COL24A1: variants seen among roughly 807,000 people sequenced by gnomAD.
COL24A1 encodes collagen type XXIV alpha 1 chain, also known as collagen alpha-1(XXIV) chain.
COL24A1 carries 224 observed loss-of-function variants against 253.9 expected under a neutral mutation model. That is an observed-to-expected ratio of 0.88 (90% CI 0.79 to 0.99). The LOEUF (loss-of-function observed/expected upper bound fraction) is 0.99. Among genes scored for constraint, COL24A1 ranks in the 50% least tolerant of loss-of-function variants. The pLI is 0.00. For synonymous variants in COL24A1, 685 were observed against 673.7 expected (o/e 1.02, Z -0.26); for missense variants, 2,131 against 2,068.5 (o/e 1.03, Z -0.59).
chr1:85,756,057 C>CAAAAAAAAAAAAA, intron 55 of COL24A1, among the ~76,000 whole-genome samples: 1 of 95,826 alleles, frequency 1.0e-5, no homozygotes, highest in Non-Finnish European at 2.0e-5. Flanking sequence ...TACTAACAAC[C>CAAAAAAAAAAAAA]AAAAAAAAAA....
chr1:86,008,274 T>C (rs921641193), intron 19 of COL24A1, among the ~76,000 whole-genome samples: 16 of 152,146 alleles, frequency 1.1e-4, no homozygotes, highest in Non-Finnish European at 7.4e-5. Context: ...TTTCAGGGTC[T>C]TGCTCTGTGG....
chr1:85,809,205 A>G (rs1019773917), intron 47 of COL24A1, among the ~76,000 whole-genome samples: 1 of 152,182 alleles, frequency 6.6e-6, no homozygotes, highest in African/African-American at 2.4e-5. Flanking sequence ...TCTTGGCCAC[A>G]TGACTCCTGA....
intron 32 of COL24A1, among the ~76,000 whole-genome samples, chr1:85,885,366 A>G (rs1682354208): frequency 7.3e-6 from 1 of 136,516 alleles, no homozygotes; most frequent in Non-Finnish European, 1.6e-5. Flanking sequence ...ATGGCTGGCT[A>G]ATTTTTGTGT....
chr1:86,022,130 G>T, intron 18 of COL24A1, 110 bp downstream of exon 18: 1 of 942,834 alleles, frequency 1.1e-6, no homozygotes, highest in Admixed American at 1.9e-5. Context: ...TAAAACTAAG[G>T]AGACAAATGC....
intron 37 of COL24A1, among the ~76,000 whole-genome samples, chr1:85,850,552 C>G (rs1433720920): frequency 6.6e-6 from 1 of 152,094 alleles, no homozygotes; most frequent in Non-Finnish European, 1.5e-5. Flanking sequence ...GGTAGTTGCA[C>G]TAACCTGAGG....
chr1:85,833,379 T>C (rs1675583467), intron 43 of COL24A1, among the ~76,000 whole-genome samples: 1 of 152,210 alleles, frequency 6.6e-6, no homozygotes, highest in African/African-American at 2.4e-5. Context: ...TCATCATCAC[T>C]GGCCATCAGA....
chr1:85,888,876 T>C (rs1348502439), intron 32 of COL24A1, among the ~76,000 whole-genome samples: 1 of 152,138 alleles, frequency 6.6e-6, no homozygotes, highest in African/African-American at 2.4e-5. Context: ...ATAAAATCAA[T>C]GCAGTTGTTT....
intron 4 of COL24A1, 69 bp from the exon 5 acceptor site, chr1:86,112,689 T>C: frequency 7.0e-7 from 1 of 1,427,018 alleles, no homozygotes; most frequent in Non-Finnish European, 9.9e-7. Flanking sequence ...ATTGCTTACT[T>C]TCCTCTCAAC....
chr1:86,066,078 ATGC>A (rs1701453571), intron 7 of COL24A1, among the ~76,000 whole-genome samples: 1 of 152,186 alleles, frequency 6.6e-6, no homozygotes, highest in Non-Finnish European at 1.5e-5. Flanking sequence ...TCACAAACTA[ATGC>A]TGCTAAGATA....
At chr1:86,068,402 C>T (rs1374327730) in intron 7 of COL24A1, among the ~76,000 whole-genome samples, 1 of 152,180 alleles carries the variant, frequency 6.6e-6, no homozygotes, top group African/African-American at 2.4e-5. Context: ...CTCAGTGCTT[C>T]CCTGGCACAG....
At position 86,125,244 on chromosome 1, in the gene COL24A1, T is replaced by G; in HGVS notation, c.1092A>C (p.Lys364Asn). 1 of 1,613,648 alleles carries G rather than the reference T, an allele frequency of 6.2e-7. No homozygotes were observed. Among genetic ancestry groups the G allele is most frequent in the South Asian group, 1.1e-5 (1 of 91,070 alleles). ...HRISEAKMNT[K>N]EKFSSLLNMS... Reference sequence around the variant, plus strand: ...TGTTTAGGAGAGAGCTAAATTTCTCTTTGGTATTCATTTTTGCCTCACTGA... The same window carrying G: ...TGTTTAGGAGAGAGCTAAATTTCTCGTTGGTATTCATTTTTGCCTCACTGA... Residue 364 changes from lysine to asparagine, a missense_variant, in exon 3 of 60, where the codon AAA becomes AAC. Coordinates refer to ENST00000370571, the MANE Select transcript of COL24A1 (RefSeq NM_152890.7).
At chr1:85,836,764 C>T (rs867355464) in intron 43 of COL24A1, among the ~76,000 whole-genome samples, 7 of 152,110 alleles carry the variant, frequency 4.6e-5, no homozygotes, top group African/African-American at 1.7e-4. Context: ...ATGGATCAAA[C>T]TAGTTTATAC....
At position 85,820,905 on chromosome 1, in the gene COL24A1, C is replaced by T. The variant is rs149034345; in HGVS notation, c.3789+2631G>A. Among the ~76,000 whole-genome samples, 262 of 152,228 alleles carry T rather than the reference C, an allele frequency of 1.7e-3. 2 individuals carry two copies. The highest frequency in any genetic ancestry group is 6.0e-3 in the African/African-American group (248 of 41,542). ...AAGGGAAATATTTTTTAATATGCAA[C>T]GTTAATACAAACGCTTGTTTTTTGT... On this transcript the variant is annotated intron_variant, in intron 45 of 59. Coordinates refer to ENST00000370571, the MANE Select transcript of COL24A1 (RefSeq NM_152890.7).
At chr1:85,868,091 A>G (rs901925176) in intron 37 of COL24A1, among the ~76,000 whole-genome samples, 34 of 152,184 alleles carry the variant, frequency 2.2e-4, no homozygotes, top group African/African-American at 6.5e-4. Flanking sequence ...TTTGTTCAAA[A>G]TGATGTTTAG....
chr1:86,112,736 T>A, intron 4 of COL24A1, 116 bp from the exon 5 acceptor site: 1 of 905,672 alleles, frequency 1.1e-6, no homozygotes, highest in Non-Finnish European at 1.7e-6. Context: ...TTTTTGCTTA[T>A]GTTATTATGT....
In COL24A1 at chr1:85,870,706, AG is replaced by A. The variant is rs1680365027; in HGVS notation, c.3139-1872del. 2.0e-5 allele frequency among the ~76,000 whole-genome samples: 3 copies of A among 152,356 alleles called. No homozygotes were observed. The South Asian group carries it at 6.2e-4, about 32-fold the overall frequency. On this transcript the variant is annotated intron_variant, in intron 35 of 59. Coordinates refer to ENST00000370571, the MANE Select transcript of COL24A1 (RefSeq NM_152890.7). Reference sequence around the variant, plus strand: ...GGGACACATTTAAAGCAGTATGTAGAGGGAAAGTTATAGCACTAAATGCTCA... The same window carrying A: ...GGGACACATTTAAAGCAGTATGTAGAGGAAAGTTATAGCACTAAATGCTCA...
intron 51 of COL24A1, 109 bp from the exon 52 acceptor site, chr1:85,781,382 T>A: frequency 1.4e-6 from 1 of 691,316 alleles, no homozygotes; most frequent in South Asian, 2.5e-5. Context: ...ATAATTATCC[T>A]TTTTAGTATA....
intron 24 of COL24A1, among the ~76,000 whole-genome samples, chr1:85,955,860 C>T (rs1181349936): frequency 6.6e-6 from 1 of 152,168 alleles, no homozygotes; most frequent in African/African-American, 2.4e-5. Context: ...ATTTCTATCA[C>T]AAATACATTA....
intron 52 of COL24A1, among the ~76,000 whole-genome samples, chr1:85,776,849 CTT>C (rs1570568753): frequency 1.3e-5 from 2 of 152,028 alleles, no homozygotes; most frequent in African/African-American, 2.4e-5. Flanking sequence ...AGAATACTAT[CTT>C]ATCATTTATT....
Sources: allele counts gnomAD v4.1 joint callset (sites outside exome capture counted in the v4.1 genomes callset), GRCh38; gene constraint gnomAD v4.1.1; transcripts MANE v1.5; gene names NCBI Gene and HGNC (gene_info 2026-07-23, HGNC 2026-07-21).